The following EPM2A variants were observed in gnomAD, a reference collection of about 807,000 sequenced individuals.
EPM2A encodes EPM2A glucan phosphatase, laforin.
Under a neutral mutation model 26.5 loss-of-function variants are expected in EPM2A, and 21 were observed. The observed-to-expected ratio is 0.79, with a 90% confidence interval of 0.56 to 1.14. The LOEUF (loss-of-function observed/expected upper bound fraction) is 1.14, where lower values mean the gene tolerates loss of function less well. Ranked by LOEUF, EPM2A falls within the 50% of genes most tolerant of loss-of-function variation. The pLI, the probability that EPM2A is intolerant of heterozygous loss-of-function variation, is 0.00. For missense variants in EPM2A, 458 were observed against 440.8 expected (o/e 1.04, Z -0.35); for synonymous variants, 217 against 177.6 (o/e 1.22, Z -1.76).
chr6:145,618,868 T>C (rs1018493694), intron 2 of EPM2A, among the ~76,000 whole-genome samples: 9 of 152,146 alleles, frequency 5.9e-5, no homozygotes, highest in African/African-American at 2.2e-4. Context: ...AGTAGTATAT[T>C]TGAAGTAGAA....
intron 2 of EPM2A, among the ~76,000 whole-genome samples, chr6:145,620,128 C>G (rs1775601040): frequency 6.6e-6 from 1 of 152,182 alleles, no homozygotes; most frequent in African/African-American, 2.4e-5. Context: ...GGTCCCCAAC[C>G]TTTTTGGAAC....
chr6:145,427,499 G>A (rs1471000020), intron 4 of EPM2A, among the ~76,000 whole-genome samples: 1 of 150,648 alleles, frequency 6.6e-6, no homozygotes, highest in Non-Finnish European at 1.5e-5. Context: ...AGAGGTAATA[G>A]GGGTGGAGGT....
At chr6:145,595,948 C>T (rs1475133567) in intron 2 of EPM2A, among the ~76,000 whole-genome samples, 1 of 152,100 alleles carries the variant, frequency 6.6e-6, no homozygotes, top group Non-Finnish European at 1.5e-5. Flanking sequence ...ATAATGTTGG[C>T]TGCTGATTTC....
rs573071821 is a variant in EPM2A, at chr6:145,583,860, G to C, written c.340+51385C>G. On this transcript the variant is annotated intron_variant, in intron 2 of 3. Coordinates refer to the EPM2A transcript ENST00000450221. ...GCAGCACAGCAGGGGTGGGACATTA[G>C]TGCAGGCAGGAGCACTGGCATCCAT... Among the ~76,000 whole-genome samples, 5 of 152,388 alleles carry C rather than the reference G, an allele frequency of 3.3e-5. No individual in the cohort carries two copies. In the South Asian group the frequency reaches 8.3e-4, roughly 25 times the overall value.
intron 2 of EPM2A, among the ~76,000 whole-genome samples, chr6:145,536,247 T>TTTTTTGTTTTTG: frequency 1.5e-5 from 1 of 65,526 alleles, no homozygotes; most frequent in Middle Eastern, 9.3e-3. Context: ...CCCAGGTTGG[T>TTTTTTGTTTTTG]TTTTTGTTTT....
Position 145,625,987 on chromosome 6 carries a change from T to C in EPM2A, c.*1429A>G, listed in dbSNP as rs796374782. 3.3e-5 allele frequency: 39 copies of C among 1,172,082 alleles called. No homozygotes were observed. Among genetic ancestry groups the C allele is most frequent in the African/African-American group, 1.7e-4 (11 of 64,922 alleles). 72.6% of individuals were successfully genotyped at this position (1,172,082 alleles called of 1,614,324 possible). A position where few individuals can be genotyped will look rare whatever the true frequency, so the allele number is the denominator to read the frequency against. On this transcript the variant is annotated 3_prime_UTR_variant, in exon 4 of 4. Transcript: ENST00000367519. ...CATCTATTTATTCATCATGTGACAA[T>C]AGACAGTTGAGTTAACCCTTCTGAC...
At chr6:145,664,607 G>C (rs1423306817) in intron 2 of EPM2A, among the ~76,000 whole-genome samples, 2 of 151,462 alleles carry the variant, frequency 1.3e-5, no homozygotes, top group Non-Finnish European at 2.9e-5. Context: ...AGATCAACGA[G>C]ACAGAAAGTC....
At chr6:145,676,504 A>G (rs1477326014) in intron 2 of EPM2A, among the ~76,000 whole-genome samples, 2 of 152,154 alleles carry the variant, frequency 1.3e-5, no homozygotes, top group Admixed American at 6.5e-5. Context: ...TTTTTTGAAA[A>G]GATCAACAAA....
intron 2 of EPM2A, among the ~76,000 whole-genome samples, chr6:145,614,454 G>C (rs1489044775): frequency 6.6e-6 from 1 of 152,178 alleles, no homozygotes; most frequent in Non-Finnish European, 1.5e-5. Context: ...TAACAACTTG[G>C]CTGTTTGGCA....
At chr6:145,517,797 A>G (rs1251653899) in intron 2 of EPM2A, among the ~76,000 whole-genome samples, 1 of 152,160 alleles carries the variant, frequency 6.6e-6, no homozygotes, top group Non-Finnish European at 1.5e-5. Context: ...GAACAGAAAT[A>G]TGGGTCTTCT....
chr6:145,405,347 C>T (rs1041581672), intron 4 of EPM2A, among the ~76,000 whole-genome samples: 1 of 152,100 alleles, frequency 6.6e-6, no homozygotes, highest in African/African-American at 2.4e-5. Flanking sequence ...TGAATGTCTG[C>T]GTGTCTGCTG....
At chr6:145,400,860 C>T (rs1334812626) in intron 4 of EPM2A, among the ~76,000 whole-genome samples, 8 of 152,114 alleles carry the variant, frequency 5.3e-5, no homozygotes, top group Non-Finnish European at 1.5e-5. Context: ...CGGGGCTCTG[C>T]TTCCCGCCTA....
At chr6:145,478,397 T>G (rs952387796) in intron 4 of EPM2A, among the ~76,000 whole-genome samples, 1 of 151,826 alleles carries the variant, frequency 6.6e-6, no homozygotes, top group Admixed American at 6.6e-5. Context: ...AAAATACCAA[T>G]GACATTCTTC....
downstream of EPM2A, among the ~76,000 whole-genome samples, chr6:145,621,982 T>C (rs1775647196): frequency 6.6e-6 from 1 of 152,204 alleles, no homozygotes; most frequent in African/African-American, 2.4e-5. Context: ...TTGTTGCCTG[T>C]GCTTTCAGTT....
At chr6:145,412,341 A>G (rs1386135396) in intron 4 of EPM2A, among the ~76,000 whole-genome samples, 4 of 152,202 alleles carry the variant, frequency 2.6e-5, no homozygotes, top group South Asian at 2.1e-4. Context: ...CACATAATAT[A>G]CACACATTCC....
chr6:145,465,529 GGA>G (rs1244530565), intron 4 of EPM2A, among the ~76,000 whole-genome samples: 1 of 84,436 alleles, frequency 1.2e-5, no homozygotes, highest in Non-Finnish European at 2.3e-5. Flanking sequence ...GCGTTCCTTT[GGA>G]GAGGAGAGGC....
At chr6:145,594,025 G>A (rs942445390) in intron 2 of EPM2A, among the ~76,000 whole-genome samples, 2 of 151,676 alleles carry the variant, frequency 1.3e-5, no homozygotes, top group Non-Finnish European at 3.0e-5. Context: ...GGATAGCTTA[G>A]AGAGAGAGTG....
intron 2 of EPM2A, among the ~76,000 whole-genome samples, chr6:145,521,890 T>C (rs541300842): frequency 1.4e-4 from 22 of 152,342 alleles, no homozygotes; most frequent in Admixed American, 1.2e-3. Context: ...ACCTACAAAA[T>C]GGTAAAGATC....
At chr6:145,455,382 G>A (rs1488451858) in intron 4 of EPM2A, among the ~76,000 whole-genome samples, 3 of 151,802 alleles carry the variant, frequency 2.0e-5, no homozygotes, top group East Asian at 1.9e-4. Context: ...TTTTGAGACC[G>A]AGTCTCACTC....
Sources: gnomAD v4.1 joint callset for allele counts (sites outside exome capture counted in the v4.1 genomes callset) on GRCh38, gnomAD v4.1.1 for gene constraint, MANE v1.5 for transcripts, NCBI Gene and HGNC (gene_info 2026-07-23, HGNC 2026-07-21) for gene names.